The following DNAH7 variants were observed in gnomAD, a reference collection of about 807,000 sequenced individuals.
The protein encoded by DNAH7 is axonemal beta dynein heavy chain 7.
Under a neutral mutation model 444.6 loss-of-function variants are expected in DNAH7, and 397 were observed. The observed-to-expected ratio is 0.89, with a 90% CI of 0.82 to 0.97. The LOEUF is 0.97. Among genes scored for constraint, DNAH7 ranks in the 50% least tolerant of loss-of-function variants. The pLI is 0.00. For synonymous variants in DNAH7, 1,636 were observed against 1,624.4 expected, an observed-to-expected ratio of 1.01 and a Z score of -0.17; for missense variants, 4,902 against 4,800.8, an observed-to-expected ratio of 1.02 and a Z score of -0.62.
chr2:195,814,069 G>A (rs1163808582), intron 51 of DNAH7, among the ~76,000 whole-genome samples: 1 of 152,170 alleles, frequency 6.6e-6, no homozygotes, highest in Non-Finnish European at 1.5e-5. Context: ...GATCAGGAGG[G>A]GACACTTCTG....
At chr2:195,796,532 G>T in intron 56 of DNAH7, 44 bp downstream of exon 56, 1 of 1,604,918 alleles carries the variant, frequency 6.2e-7, no homozygotes, top group Non-Finnish European at 8.5e-7. Context: ...TTACTAATTA[G>T]ATCCAGGGAA....
chr2:195,992,846 T>C (rs1693438114), intron 12 of DNAH7, among the ~76,000 whole-genome samples: 1 of 152,244 alleles, frequency 6.6e-6, no homozygotes, highest in Admixed American at 6.5e-5. Flanking sequence ...GGAAATGCCC[T>C]GGCATTCTTC....
chr2:195,820,571 A>G (rs138862003), intron 49 of DNAH7, among the ~76,000 whole-genome samples: 137 of 152,236 alleles, frequency 9.0e-4, no homozygotes, highest in Non-Finnish European at 1.7e-3. Context: ...TCCTGATTTC[A>G]TCATTTCCCT....
chr2:195,980,285 G>A (rs745307663), intron 15 of DNAH7, among the ~76,000 whole-genome samples: 1 of 151,992 alleles, frequency 6.6e-6, no homozygotes, highest in Non-Finnish European at 1.5e-5. Flanking sequence ...CTTTTCCACC[G>A]GGCTTCATTC....
chr2:195,872,475 A>C lies in DNAH7; in HGVS notation c.6414-6T>G. The C allele has an allele frequency of 6.4e-7, 1 of 1,555,366 alleles. No individual in the cohort carries two copies. The highest frequency in any genetic ancestry group is 8.7e-7 in the Non-Finnish European group (1 of 1,145,740). ...ATTCATCTGGAAATTTATAACTTAA[A>C]AATTTTTTAAATAAAAAGAAAGGAA... On this transcript the variant is annotated splice_region_variant and splice_polypyrimidine_tract_variant and intron_variant, in intron 39 of 64. Transcript: ENST00000312428.
chr2:195,743,094 A>C (rs1693143298), intron 63 of DNAH7, among the ~76,000 whole-genome samples: 1 of 152,208 alleles, frequency 6.6e-6, no homozygotes. Flanking sequence ...TCTTTCTCCC[A>C]TGCTGGATGC....
intron 40 of DNAH7, among the ~76,000 whole-genome samples, chr2:195,869,803 C>T (rs62201524): frequency 0.17 from 26,088 of 151,994 alleles, 2,675 homozygotes; most frequent in African/African-American, 0.29. Context: ...GACTTTTATC[C>T]GAAATTCCTC....
chr2:195,932,620 T>C (rs1164893906), intron 21 of DNAH7, among the ~76,000 whole-genome samples: 3 of 152,148 alleles, frequency 2.0e-5, no homozygotes, highest in African/African-American at 7.2e-5. Flanking sequence ...TGAGAGTTTT[T>C]AGAATGAAGT....
intron 12 of DNAH7, chr2:195,999,220 T>C (rs1693892404): frequency 2.8e-6 from 2 of 717,204 alleles, no homozygotes; most frequent in African/African-American, 3.5e-5. Flanking sequence ...AAAGTAAAAA[T>C]GTCCTGGTTT....
At chr2:195,894,178 A>G (rs1702171809) in intron 30 of DNAH7, 1 of 152,178 alleles carries the variant, frequency 6.6e-6, no homozygotes, top group Non-Finnish European at 1.5e-5. Flanking sequence ...TCTGTAGAAA[A>G]CAAAAGTCAA....
chr2:195,992,619 A>G (rs912688305), intron 12 of DNAH7, among the ~76,000 whole-genome samples: 2 of 152,170 alleles, frequency 1.3e-5, no homozygotes, highest in African/African-American at 2.4e-5. Flanking sequence ...TAGCATTTCA[A>G]TTTAACTGTT....
Position 195,816,821 on chromosome 2 carries a change from C to T in DNAH7, c.9568G>A (p.Glu3190Lys). Residue 3190 changes from glutamate (E) to lysine (K), a missense_variant, in exon 51 of 65, where the codon GAA (glutamate) becomes AAA (lysine). Coordinates refer to ENST00000312428, the MANE Select transcript of DNAH7 (RefSeq NM_018897.3). Reference protein sequence around the residue: ...NEISQKQEVAEETEKKIDTTR... With the variant: ...NEISQKQEVAKETEKKIDTTR... The stretch of plus-strand genomic sequence containing the variant: ...GTGTCAATCTTTTTCTCTGTCTCTT[C>T]GGCTACTTCCTGCTTCTGAGAAATC... 4.3e-6 allele frequency: 7 copies of T among 1,614,142 alleles called. No individual in the cohort carries two copies. The highest frequency in any genetic ancestry group is 5.9e-6 in the Non-Finnish European group (7 of 1,180,002).
chr2:195,994,582 T>C (rs999333259), intron 12 of DNAH7: 23 of 488,220 alleles, frequency 4.7e-5, no homozygotes, highest in African/African-American at 4.6e-4. Context: ...TGTGTTTCCA[T>C]CTCTTCCGGA....
chr2:195,796,593 G>C lies in DNAH7; in HGVS notation c.10498C>G (p.Leu3500Val), dbSNP rs762580221. The change falls in exon 56 of 65, where the codon CTT becomes GTT. Residue 3500 changes from leucine to valine, a missense_variant. Physicochemically the swap from Leu to Val is conservative, Grantham distance 32. Transcript: ENST00000312428. Reference protein sequence around the residue: ...CHLATSWMPTLEKVCEELSPE... With the variant: ...CHLATSWMPTVEKVCEELSPE... ...ATTTTTACCTCACAGACTTTCTCAA[G>C]GGTTGGCATCCAAGAGGTGGCAAGG... The C allele has an allele frequency of 1.1e-5, 18 of 1,613,962 alleles. No individual in the cohort carries two copies. In the East Asian group the frequency reaches 3.6e-4, roughly 32 times the overall value.
intron 15 of DNAH7, among the ~76,000 whole-genome samples, chr2:195,981,377 GA>G (rs1273107600): frequency 1.3e-5 from 2 of 151,826 alleles, no homozygotes; most frequent in Non-Finnish European, 2.9e-5. Context: ...TCATAAATTA[GA>G]AGAATCCAAT....
In DNAH7 at chr2:195,796,752, A is replaced by G. The variant is rs1574451651; in HGVS notation, c.10354-15T>C. 1 of 1,582,102 alleles carries G rather than the reference A, an allele frequency of 6.3e-7. No individual in the cohort carries two copies. Among genetic ancestry groups the G allele is most frequent in the Middle Eastern group, 1.7e-4 (1 of 5,886 alleles). On this transcript the variant is annotated splice_polypyrimidine_tract_variant and intron_variant, in intron 55 of 64. Transcript: ENST00000312428. ...CCCCCATATCCCTGTGTACAAGAAT[A>G]GTAGAGATGTTATTTAAAATCACAT... is the stretch of plus-strand genomic sequence containing the variant.
At chr2:195,921,054 T>A (rs955130433) in intron 24 of DNAH7, among the ~76,000 whole-genome samples, 2 of 151,904 alleles carry the variant, frequency 1.3e-5, no homozygotes, top group African/African-American at 4.8e-5. Flanking sequence ...AATTTAAAAA[T>A]AAAAAAATAG....
At chr2:195,960,966 T>C in intron 17 of DNAH7, 21 bp from the exon 18 acceptor site, 1 of 1,476,694 alleles carries the variant, frequency 6.8e-7, no homozygotes, top group Non-Finnish European at 9.0e-7. Context: ...AAGTATTGAA[T>C]ATATTAGTTA....
chr2:195,983,425 T>C (rs1692703483), intron 15 of DNAH7, among the ~76,000 whole-genome samples: 1 of 152,120 alleles, frequency 6.6e-6, no homozygotes, highest in African/African-American at 2.4e-5. Flanking sequence ...CTTTTACTCA[T>C]GGCAGAAGGC....
Sources: allele counts gnomAD v4.1 joint callset (sites outside exome capture counted in the v4.1 genomes callset), GRCh38; gene constraint gnomAD v4.1.1; transcripts MANE v1.5; gene names NCBI Gene and HGNC (gene_info 2026-07-23, HGNC 2026-07-21).